Variants in LIN28B observed in about 807,000 individuals in gnomAD.
LIN28B encodes the protein protein lin-28 homolog B.
A neutral mutation model predicts 21.9 loss-of-function variants in LIN28B; 5 were observed. The observed-to-expected ratio is 0.23, with a 90% CI of 0.12 to 0.48. The LOEUF (loss-of-function observed/expected upper bound fraction) is 0.48. Ranked by LOEUF, LIN28B falls within the 20% of genes least tolerant of loss-of-function variation. The pLI, the probability that LIN28B is intolerant of heterozygous loss-of-function variation, is 0.98. For synonymous variants in LIN28B, 109 were observed against 111.3 expected (o/e 0.98, Z 0.13); for missense variants, 245 against 310.5 (o/e 0.79, Z 1.58).
upstream of LIN28B, among the ~76,000 whole-genome samples, chr6:104,956,510 T>C (rs1423439295): frequency 1.3e-5 from 2 of 152,224 alleles, no homozygotes; most frequent in African/African-American, 4.8e-5. Flanking sequence ...TGAAAAAATT[T>C]CGGGCATAAT....
rs1772554911 is a variant in LIN28B, at chr6:105,082,275, A to G, written c.*3492A>G. The G allele has an allele frequency of 6.6e-6, 1 of 152,500 alleles. No individual in the cohort carries two copies. The highest frequency in any genetic ancestry group is 6.6e-5 in the Admixed American group (1 of 15,258). 9.4% of individuals were successfully genotyped at this position (152,500 alleles called of 1,614,324 possible). A position where few individuals can be genotyped will look rare whatever the true frequency, so the allele number is the denominator to read the frequency against. ...AATGTCATGTTATTAGCATCAGTCC[A>G]CCTCCAATATTGCCGATACTTTTTT... On this transcript the variant is annotated 3_prime_UTR_variant, in exon 4 of 4. Coordinates refer to ENST00000345080, the MANE Select transcript of LIN28B (RefSeq NM_001004317.4).
chr6:104,994,304 G>A (rs900704177), intron 2 of LIN28B, among the ~76,000 whole-genome samples: 3 of 152,164 alleles, frequency 2.0e-5, no homozygotes, highest in East Asian at 1.9e-4. Flanking sequence ...GCGCCTGACC[G>A]ATAAAAACAT....
chr6:105,039,338 C>T (rs1224734758), intron 3 of LIN28B, among the ~76,000 whole-genome samples: 3 of 151,948 alleles, frequency 2.0e-5, no homozygotes, highest in Non-Finnish European at 4.4e-5. Flanking sequence ...AACTAGAAAC[C>T]TAAATGTCTG....
At chr6:105,037,091 C>T (rs935939709) in intron 3 of LIN28B, among the ~76,000 whole-genome samples, 1 of 152,172 alleles carries the variant, frequency 6.6e-6, no homozygotes, top group African/African-American at 2.4e-5. Flanking sequence ...TATCTGCTAA[C>T]TATGACATCC....
chr6:105,022,497 A>G (rs1449644861), intron 2 of LIN28B, among the ~76,000 whole-genome samples: 2 of 152,148 alleles, frequency 1.3e-5, no homozygotes, highest in Non-Finnish European at 2.9e-5. Context: ...TAACAGACTG[A>G]GTAGGGAAAC....
At chr6:105,037,906 A>G (rs1042647471) in intron 3 of LIN28B, among the ~76,000 whole-genome samples, 4 of 152,096 alleles carry the variant, frequency 2.6e-5, no homozygotes, top group African/African-American at 9.7e-5. Context: ...TTGTATATAT[A>G]TGGTCCTGGG....
At chr6:105,004,038 CA>C (rs1452499457) in intron 2 of LIN28B, among the ~76,000 whole-genome samples, 1 of 152,114 alleles carries the variant, frequency 6.6e-6, no homozygotes, top group Admixed American at 6.5e-5. Flanking sequence ...GTCTGAGTCC[CA>C]AAACTGAAGA....
At chr6:104,950,950 A>G (rs556756841) in intron 3 of LIN28B, among the ~76,000 whole-genome samples, 3 of 152,212 alleles carry the variant, frequency 2.0e-5, no homozygotes, top group South Asian at 2.1e-4. Context: ...ATAATTTATC[A>G]TAACAGAAAT....
intron 3 of LIN28B, among the ~76,000 whole-genome samples, chr6:105,061,509 T>TC (rs1057141314): frequency 7.5e-5 from 11 of 146,344 alleles, no homozygotes; most frequent in South Asian, 4.4e-4. Flanking sequence ...TTGCTCTCGC[T>TC]CCCCCCACCC....
At position 105,082,287 on chromosome 6, in the gene LIN28B, G is replaced by T. The variant is rs2114433633; in HGVS notation, c.*3504G>T. 6.6e-6 allele frequency: 1 copy of T among 152,634 alleles called. No individual in the cohort carries two copies. The highest frequency in any genetic ancestry group is 1.5e-5 in the Non-Finnish European group (1 of 67,998). 9.5% of individuals were successfully genotyped at this position (152,634 alleles called of 1,614,324 possible). On this transcript the variant is annotated 3_prime_UTR_variant, in exon 4 of 4. Transcript: ENST00000345080. ...TTAGCATCAGTCCACCTCCAATATT[G>T]CCGATACTTTTTTTATTCTGGCTCA...
At chr6:105,071,371 TCTA>T (rs1772330232) in intron 3 of LIN28B, among the ~76,000 whole-genome samples, 1 of 152,224 alleles carries the variant, frequency 6.6e-6, no homozygotes, top group Admixed American at 6.5e-5. Flanking sequence ...ATTTCATTAT[TCTA>T]CTATCTGCAA....
intron 2 of LIN28B, among the ~76,000 whole-genome samples, chr6:104,974,780 G>A (rs567583942): frequency 2.4e-4 from 36 of 151,672 alleles, no homozygotes; most frequent in Middle Eastern, 3.4e-3. Flanking sequence ...TAAAACTTAC[G>A]TTTTATGGAA....
At chr6:105,043,807 C>G (rs1223646204) in intron 3 of LIN28B, among the ~76,000 whole-genome samples, 1 of 152,020 alleles carries the variant, frequency 6.6e-6, no homozygotes, top group East Asian at 1.9e-4. Context: ...GTTTCACAAG[C>G]CTAGGCTAGT....
chr6:104,988,703 G>T (rs1033720702), intron 2 of LIN28B, among the ~76,000 whole-genome samples: 3 of 151,604 alleles, frequency 2.0e-5, no homozygotes, highest in Non-Finnish European at 4.4e-5. Flanking sequence ...TCCGCTTTGC[G>T]AGTAGTTGAG....
At chr6:105,063,637 G>A (rs1441856937) in intron 3 of LIN28B, among the ~76,000 whole-genome samples, 1 of 83,092 alleles carries the variant, frequency 1.2e-5, no homozygotes, top group Non-Finnish European at 2.0e-5. Flanking sequence ...CTCCATCTCG[G>A]GGGGGGGGGG....
At chr6:105,048,151 G>A (rs1177010503) in intron 3 of LIN28B, among the ~76,000 whole-genome samples, 1 of 152,162 alleles carries the variant, frequency 6.6e-6, no homozygotes, top group Non-Finnish European at 1.5e-5. Flanking sequence ...TATTGGCTGT[G>A]GGTTTGTCAT....
At chr6:105,003,389 G>C (rs1051369350) in intron 2 of LIN28B, among the ~76,000 whole-genome samples, 1 of 152,190 alleles carries the variant, frequency 6.6e-6, no homozygotes, top group South Asian at 2.1e-4. Flanking sequence ...ATTTTGGCTA[G>C]GTAGAAAGTT....
chr6:105,053,714 C>CTTGTGTGT, intron 3 of LIN28B, among the ~76,000 whole-genome samples: 1 of 147,388 alleles, frequency 6.8e-6, no homozygotes, highest in Admixed American at 6.7e-5. Context: ...TGTGTGGGTG[C>CTTGTGTGT]GTGTGTGTGT....
Position 105,038,767 on chromosome 6 carries a change from G to GA in LIN28B, c.383+12291dup, listed in dbSNP as rs578107987. On this transcript the variant is annotated intron_variant, in intron 3 of 3. Transcript: ENST00000345080. ...TCCAAAAAGCACTACAAATCAAAAA[G>GA]AAAAAACAAAGCCTGACAGAAATGA... Among the ~76,000 whole-genome samples the GA allele has an allele frequency of 9.2e-5, 14 of 152,036 alleles. No homozygotes were observed. In the South Asian group the frequency reaches 2.9e-3, roughly 32 times the overall value.
Sources: allele counts gnomAD v4.1 joint callset (sites outside exome capture counted in the v4.1 genomes callset), GRCh38; gene constraint gnomAD v4.1.1; transcripts MANE v1.5; gene names NCBI Gene and HGNC (gene_info 2026-07-23, HGNC 2026-07-21).